The following MKRN2 variants were observed in gnomAD, a reference collection of about 807,000 sequenced individuals.
MKRN2 encodes E3 ubiquitin-protein ligase makorin-2.
A neutral mutation model predicts 45.4 loss-of-function variants in MKRN2; 32 were observed. That is an observed-to-expected ratio of 0.70 (90% CI 0.53 to 0.95). The LOEUF (loss-of-function observed/expected upper bound fraction) is 0.95, where lower values mean the gene tolerates loss of function less well. Ranked by LOEUF, MKRN2 falls within the 40% of genes least tolerant of loss-of-function variation. MKRN2 has a pLI of 0.00. For missense variants in MKRN2, 526 were observed against 536.7 expected (o/e 0.98, Z 0.20); for synonymous variants, 206 against 192.4 (o/e 1.07, Z -0.59).
chr3:12,564,529 G>A (rs2058059148), intron 1 of MKRN2, among the ~76,000 whole-genome samples: 1 of 152,152 alleles, frequency 6.6e-6, no homozygotes, highest in African/African-American at 2.4e-5. Context: ...TAGTCCAGAG[G>A]TAAGTATTGC....
At position 12,574,707 on chromosome 3, in the gene MKRN2, G is replaced by T. The variant is rs2058120072; in HGVS notation, c.643-85G>T. 14 of 1,224,944 alleles carry T rather than the reference G, an allele frequency of 1.1e-5. 1 individual carries two copies. The South Asian group carries it at 1.9e-4, about 16-fold the overall frequency. The allele number at this position is 1,224,944 out of a possible 1,614,324, so 75.9% of individuals were successfully genotyped here. A position where few individuals can be genotyped will look rare whatever the true frequency, so the allele number is the denominator to read the frequency against. ...AGTGTTCCTTCCTGATCTCAGCTGTGGCAGTGTGGCTGCAGCTACTCCTAG... is the reference window on the plus strand; with the variant it reads ...AGTGTTCCTTCCTGATCTCAGCTGTTGCAGTGTGGCTGCAGCTACTCCTAG... On this transcript the variant is annotated intron_variant, in intron 4 of 7. Transcript: ENST00000170447.
At chr3:12,571,842 C>T (rs1408375410) in intron 3 of MKRN2, among the ~76,000 whole-genome samples, 1 of 151,824 alleles carries the variant, frequency 6.6e-6, no homozygotes, top group Non-Finnish European at 1.5e-5. Context: ...CCTGTCTTGC[C>T]ATTTTTGTTT....
rs1388982295 is a variant in MKRN2, at chr3:12,570,176, C to T, written c.261C>T (p.Val87=). 6.2e-7 allele frequency: 1 copy of T among 1,614,196 alleles called. No homozygotes were observed. The highest frequency in any genetic ancestry group is 1.3e-5 in the African/African-American group (1 of 75,052). ...ACAGTCCTCACCCTCCTTCCGAGGT[C>T]ACTGCATCCATTGTGAAAACTAACT... ...AFHSPHPPSE[V]TASIVKTNSH... is the part of the protein sequence containing the mutation. The change falls in exon 3 of 8, where the codon GTC becomes GTT. Residue 87 remains valine (V), a synonymous_variant. Transcript: ENST00000170447.
At chr3:12,576,118 C>T (rs924269133) in intron 5 of MKRN2, among the ~76,000 whole-genome samples, 2 of 151,948 alleles carry the variant, frequency 1.3e-5, no homozygotes, top group African/African-American at 2.4e-5. Context: ...AAAGTGGCTG[C>T]ACCCTTTTAC....
At chr3:12,566,996 T>A (rs1350058835) in intron 1 of MKRN2, among the ~76,000 whole-genome samples, 1 of 152,250 alleles carries the variant, frequency 6.6e-6, no homozygotes, top group Non-Finnish European at 1.5e-5. Flanking sequence ...TAATAGCTGT[T>A]CTTAAGGTCT....
chr3:12,557,292 C>G, intron 1 of MKRN2, 116 bp downstream of exon 1: 2 of 1,325,348 alleles, frequency 1.5e-6, no homozygotes, highest in Non-Finnish European at 2.0e-6. Flanking sequence ...GAAAGTTACT[C>G]GGCTGTTCGC....
Position 12,582,882 on chromosome 3 carries a change from A to C in MKRN2, c.*629A>C, listed in dbSNP as rs2058195574. ...CTTGTTGCCACATGTGCAGCAAACA[A>C]AGTGGAAGTATAGATCTTCTTCTCC... On this transcript the variant is annotated 3_prime_UTR_variant, in exon 8 of 8. Transcript: ENST00000170447. The C allele has an allele frequency of 6.5e-6, 1 of 152,714 alleles. No individual in the cohort carries two copies. The highest frequency in any genetic ancestry group is 2.1e-4 in the South Asian group (1 of 4,860). The allele number at this position is 152,714 out of a possible 1,614,324, so 9.5% of individuals were successfully genotyped here.
At position 12,572,377 on chromosome 3, in the gene MKRN2, A is replaced by G. The variant is rs1305739037; in HGVS notation, c.642+4A>G. ...GCAGAGGAAGGCTCATGAAAAGGTAAAGTCACAAACCTTTGCATGAACTCA... is the reference window on the plus strand; with the variant it reads ...GCAGAGGAAGGCTCATGAAAAGGTAGAGTCACAAACCTTTGCATGAACTCA... On this transcript the variant is annotated splice_donor_region_variant and intron_variant, in intron 4 of 7. Transcript: ENST00000170447. 1.9e-6 allele frequency: 3 copies of G among 1,551,232 alleles called. No individual in the cohort carries two copies. The highest frequency in any genetic ancestry group is 2.6e-6 in the Non-Finnish European group (3 of 1,145,628).
chr3:12,576,933 G>GGT (rs1437893685), intron 6 of MKRN2, 192 bp downstream of exon 6: 2 of 55,990 alleles, frequency 3.6e-5, no homozygotes, highest in African/African-American at 2.5e-4. Flanking sequence ...TAGTTTTGGT[G>GGT]TTTTTTTTTT....
intron 1 of MKRN2, 55 bp downstream of exon 1, chr3:12,557,231 C>A: frequency 6.6e-7 from 1 of 1,517,272 alleles, no homozygotes; most frequent in Non-Finnish European, 8.8e-7. Flanking sequence ...GCAGGGGGGC[C>A]GGTGCGCGCC....
At chr3:12,568,815 GC>G in intron 1 of MKRN2, 59 bp from the exon 2 acceptor site, 1 of 1,581,930 alleles carries the variant, frequency 6.3e-7, no homozygotes, top group Admixed American at 1.8e-5. Flanking sequence ...TCAAGAATAA[GC>G]TGATTTTATA....
intron 1 of MKRN2, among the ~76,000 whole-genome samples, chr3:12,568,543 T>G (rs1379101967): frequency 1.3e-5 from 2 of 152,242 alleles, no homozygotes; most frequent in African/African-American, 4.8e-5. Context: ...TTTAAGCTCC[T>G]TGAGAACAGA....
chr3:12,564,528 G>A (rs1297040696), intron 1 of MKRN2, among the ~76,000 whole-genome samples: 1 of 152,146 alleles, frequency 6.6e-6, no homozygotes, highest in African/African-American at 2.4e-5. Context: ...CTAGTCCAGA[G>A]GTAAGTATTG....
intron 1 of MKRN2, among the ~76,000 whole-genome samples, chr3:12,564,652 G>GT: frequency 6.6e-6 from 1 of 152,152 alleles, no homozygotes; most frequent in African/African-American, 2.4e-5. Flanking sequence ...AAATTTACCT[G>GT]TTTGAAGTGT....
chr3:12,570,883 C>CAAAA (rs889392244), intron 3 of MKRN2, among the ~76,000 whole-genome samples: 4 of 48,782 alleles, frequency 8.2e-5, no homozygotes, highest in Admixed American at 6.7e-4. Context: ...GACTCCCTCT[C>CAAAA]AAAAAAAAAA....
intron 6 of MKRN2, among the ~76,000 whole-genome samples, chr3:12,580,941 C>T (rs1212820229): frequency 6.6e-6 from 1 of 152,178 alleles, no homozygotes; most frequent in Non-Finnish European, 1.5e-5. Context: ...TGTTGTTTGG[C>T]TTTATTTCTG....
intron 1 of MKRN2, among the ~76,000 whole-genome samples, chr3:12,566,822 C>T (rs1350289222): frequency 7.2e-5 from 11 of 152,126 alleles, no homozygotes; most frequent in Non-Finnish European, 8.8e-5. Flanking sequence ...AGGCTGGTTT[C>T]GAACTCCTGA....
chr3:12,568,942 A>C lies in MKRN2; in HGVS notation c.94A>C (p.Lys32Gln), dbSNP rs1397666738. The C allele has an allele frequency of 1.9e-6, 3 of 1,614,206 alleles. No individual in the cohort carries two copies. The highest frequency in any genetic ancestry group is 2.5e-6 in the Non-Finnish European group (3 of 1,180,030). ...CLFSHDLANS[K>Q]PSTICKYYQK... ...ATTCTCACATGACTTGGCAAACAGC[A>C]AACCGTCCACCATCTGCAAGTACTA... Residue 32 changes from lysine to glutamine, a missense_variant, in exon 2 of 8, where the codon AAA becomes CAA. Transcript: ENST00000170447.
rs191153902 is a variant in MKRN2, at chr3:12,562,574, A to G, written c.26+5398A>G. On this transcript the variant is annotated intron_variant, in intron 1 of 7. Coordinates refer to ENST00000170447, the MANE Select transcript of MKRN2 (RefSeq NM_014160.5). ...GTCTGATCTAGTGCAGTGGTCCCCAACCAGTCTATGGCCTTTTAGGAACCA... is the reference window on the plus strand; with the variant it reads ...GTCTGATCTAGTGCAGTGGTCCCCAGCCAGTCTATGGCCTTTTAGGAACCA... Among the ~76,000 whole-genome samples the G allele has an allele frequency of 3.2e-4, 49 of 152,260 alleles. 1 individual carries two copies. The highest frequency in any genetic ancestry group is 8.5e-4 in the Admixed American group (13 of 15,278).
Sources: gnomAD v4.1 joint callset for allele counts (sites outside exome capture counted in the v4.1 genomes callset) on GRCh38, gnomAD v4.1.1 for gene constraint, MANE v1.5 for transcripts, NCBI Gene and HGNC (gene_info 2026-07-23, HGNC 2026-07-21) for gene names.